Variants in NEB observed in about 807,000 individuals in gnomAD.
The protein encoded by NEB is nemaline myopathy type 2.
A neutral mutation model predicts 952.2 loss-of-function variants in NEB; 512 were observed. The ratio of observed to expected loss-of-function variants is 0.54; its 90% CI spans 0.50 to 0.58. The LOEUF (loss-of-function observed/expected upper bound fraction) is 0.58, where lower values mean the gene tolerates loss of function less well. Ranked by LOEUF, NEB falls within the 20% of genes least tolerant of loss-of-function variation. The pLI, the probability that NEB is intolerant of heterozygous loss-of-function variation, is 0.00. For missense variants in NEB, 8,428 were observed against 9,231.1 expected (o/e 0.91, Z 3.56); for synonymous variants, 2,900 against 3,149.8 (o/e 0.92, Z 2.66).
chr2:151,705,171 TTA>T (rs1381167512), intron 13 of NEB, among the ~76,000 whole-genome samples: 7 of 150,874 alleles, frequency 4.6e-5, no homozygotes, highest in East Asian at 1.9e-4. Context: ...GCCTTCAAAA[TTA>T]TATATATATA....
intron 113 of NEB, 57 bp from the exon 114 acceptor site, chr2:151,567,536 G>T: frequency 6.7e-7 from 1 of 1,489,648 alleles, no homozygotes. Context: ...AAGGCAGAGG[G>T]GGCTTGATCA....
In NEB at chr2:151,655,979, G is replaced by T. The variant is rs772581557; in HGVS notation, c.6540C>A (p.Gly2180=). The part of the protein sequence containing the change: ...QDYNEWYKGL[G]WSPAGSLEVE... ...CTTCCAGAGAACCTGCTGGACTCCA[G>T]CCAAGCCCTTTGTACCATTCATTGT... Residue 2180 remains glycine, a synonymous_variant, in exon 50 of 182, where the codon GGC becomes GGA. Coordinates refer to ENST00000397345, the MANE Select transcript of NEB (RefSeq NM_001164508.2). 1.2e-6 allele frequency: 2 copies of T among 1,613,748 alleles called. No homozygotes were observed. The highest frequency in any genetic ancestry group is 1.7e-6 in the Non-Finnish European group (2 of 1,179,766).
rs191507607 is a variant in NEB at position 151,531,403 on chromosome 2, A to G, written c.21523-302T>C. On this transcript the variant is annotated intron_variant, in intron 144 of 181. Coordinates refer to ENST00000397345, the MANE Select transcript of NEB (RefSeq NM_001164508.2). ...ATGATCTTGGTTCACTGCAACCTCCATCTCCTGGGCTCAAGCAATTGTCAC... is the reference window on the plus strand; with the variant it reads ...ATGATCTTGGTTCACTGCAACCTCCGTCTCCTGGGCTCAAGCAATTGTCAC... Among the ~76,000 whole-genome samples, 43 of 136,428 alleles carry G rather than the reference A, an allele frequency of 3.2e-4. No individual in the cohort carries two copies. In the East Asian group the frequency reaches 6.4e-3, roughly 20 times the overall value. The allele number at this position is 136,428 out of a possible 152,430, so 89.5% of individuals were successfully genotyped here.
In NEB at chr2:151,498,817, A is replaced by G. The variant is rs569875492; in HGVS notation, c.24115-465T>C. Among the ~76,000 whole-genome samples, 14 of 152,286 alleles carry G rather than the reference A, an allele frequency of 9.2e-5. No homozygotes were observed. The East Asian group carries it at 2.5e-3, about 27-fold the overall frequency. On this transcript the variant is annotated intron_variant, in intron 169 of 181. Transcript: ENST00000397345. ...GTTCACTTTCAAAAGAAGTCAGAGT[A>G]TTTAATTTTTAGTTTGGGTGAACAC...
intron 71 of NEB, among the ~76,000 whole-genome samples, chr2:151,621,971 G>A (rs1275904294): frequency 1.3e-5 from 2 of 152,124 alleles, no homozygotes; most frequent in Non-Finnish European, 2.9e-5. Flanking sequence ...GGGCAATAAT[G>A]AATTAAGTTG....
intron 10 of NEB, among the ~76,000 whole-genome samples, chr2:151,711,534 AT>A (rs2099745332): frequency 6.6e-6 from 1 of 152,194 alleles, no homozygotes; most frequent in South Asian, 2.1e-4. Context: ...CAAATGCCTA[AT>A]TTCCTTTCTT....
At chr2:151,625,691 G>A (rs2098508887) in intron 70 of NEB, 53 bp from the exon 71 acceptor site, 1 of 1,293,590 alleles carries the variant, frequency 7.7e-7, no homozygotes. Flanking sequence ...TTGTAAACAG[G>A]AGTTTTCAAT....
At chr2:151,658,261 C>T (rs566217786) in intron 47 of NEB, among the ~76,000 whole-genome samples, 171 bp from the exon 48 acceptor site, 41 of 151,692 alleles carry the variant, frequency 2.7e-4, no homozygotes, top group Admixed American at 2.3e-3. Flanking sequence ...GTTTGAAAAA[C>T]AATCTATAAC....
intron 3 of NEB, among the ~76,000 whole-genome samples, chr2:151,731,223 C>T (rs988392572): frequency 8.5e-5 from 13 of 152,150 alleles, no homozygotes; most frequent in African/African-American, 1.4e-4. Context: ...CTTAGAAATA[C>T]GCTTATAAAA....
At chr2:151,501,812 A>AAATT (rs1443983616) in intron 167 of NEB, among the ~76,000 whole-genome samples, 1 of 152,196 alleles carries the variant, frequency 6.6e-6, no homozygotes, top group Non-Finnish European at 1.5e-5. Flanking sequence ...TGGTAACATT[A>AAATT]AATTAGGGAA....
chr2:151,555,775 C>A (rs779722965), intron 124 of NEB, among the ~76,000 whole-genome samples: 21 of 151,778 alleles, frequency 1.4e-4, no homozygotes, highest in Non-Finnish European at 2.8e-4. Flanking sequence ...TGGAGGCCAA[C>A]CAAAATTTCC....
intron 42 of NEB, 25 bp from the exon 43 acceptor site, chr2:151,664,888 G>T: frequency 6.5e-7 from 1 of 1,539,492 alleles, no homozygotes; most frequent in Middle Eastern, 1.7e-4. Context: ...TCAGGTGCAT[G>T]ATTTTACAGC....
At chr2:151,667,673 A>G in intron 40 of NEB, 131 bp downstream of exon 40, 1 of 564,448 alleles carries the variant, frequency 1.8e-6, no homozygotes, top group East Asian at 3.0e-5. Flanking sequence ...AACTACAGGT[A>G]CACGCCACCA....
In NEB at chr2:151,490,051, G is replaced by C; in HGVS notation, c.25324C>G (p.Leu8442Val). The C allele has an allele frequency of 6.2e-7, 1 of 1,611,180 alleles. No individual in the cohort carries two copies. The highest frequency in any genetic ancestry group is 8.5e-7 in the Non-Finnish European group (1 of 1,179,020). The change falls in exon 181 of 182, where the codon CTC becomes GTC. Residue 8442 changes from leucine (L) to valine (V), a missense_variant. Coordinates refer to ENST00000397345, the MANE Select transcript of NEB (RefSeq NM_001164508.2). Reference protein sequence around the residue: ...TAYKHAKTTELPQQRSSSVAT... With the variant: ...TAYKHAKTTEVPQQRSSSVAT... Reference sequence around the variant, plus strand: ...ACTGAAGATGATCGTTGTTGTGGGAGCTCTGTGGTTTTTGCATGTTTGTAA... The same window carrying C: ...ACTGAAGATGATCGTTGTTGTGGGACCTCTGTGGTTTTTGCATGTTTGTAA...
In NEB at chr2:151,627,757, C is replaced by G; in HGVS notation, c.9909G>C (p.Met3303Ile). Residue 3303 changes from methionine to isoleucine, a missense_variant, in exon 69 of 182, where the codon ATG becomes ATC. By Grantham distance (10) the Met-to-Ile change is conservative (BLOSUM62 1). Transcript: ENST00000397345. ...TCTTGGCCACATGCATGGACCACAT[C>G]ATCTTGGGGTCATCTTCAATGTTCC... ...GARNIEDDPKMMWSMHVAKIQ... is the reference protein window; with the variant it reads ...GARNIEDDPKIMWSMHVAKIQ... 1 of 1,613,934 alleles carries G rather than the reference C, an allele frequency of 6.2e-7. No homozygotes were observed. The highest frequency in any genetic ancestry group is 8.5e-7 in the Non-Finnish European group (1 of 1,179,872).
Position 151,650,826 on chromosome 2 carries a change from C to T in NEB, c.6975G>A (p.Leu2325=), listed in dbSNP as rs369998169. 2 of 1,613,892 alleles carry T rather than the reference C, an allele frequency of 1.2e-6. No individual in the cohort carries two copies. The highest frequency in any genetic ancestry group is 1.7e-6 in the Non-Finnish European group (2 of 1,179,792). ...QLGHHVGFRS[L]QDDPKLVLSM... ...ACAACACAAGTTTTGGGTCATCTTGCAGACTCCGGAATCCAACATGGTGGC... is the reference window on the plus strand; with the variant it reads ...ACAACACAAGTTTTGGGTCATCTTGTAGACTCCGGAATCCAACATGGTGGC... Residue 2325 remains leucine, a synonymous_variant, in exon 53 of 182, where the codon CTG becomes CTA. Coordinates refer to ENST00000397345, the MANE Select transcript of NEB (RefSeq NM_001164508.2).
chr2:151,675,059 G>C (rs1355166724), intron 35 of NEB, among the ~76,000 whole-genome samples: 1 of 152,172 alleles, frequency 6.6e-6, no homozygotes, highest in Non-Finnish European at 1.5e-5. Context: ...GGAATAGATG[G>C]TGAGCTCTAC....
chr2:151,568,215 G>A, intron 112 of NEB, 37 bp from the exon 113 acceptor site: 1 of 1,597,142 alleles, frequency 6.3e-7, no homozygotes, highest in Non-Finnish European at 8.6e-7. Context: ...TTAAAATGAG[G>A]AGTCAGAAGG....
At chr2:151,574,895 C>T (rs1458465325) in intron 107 of NEB, among the ~76,000 whole-genome samples, 1 of 151,960 alleles carries the variant, frequency 6.6e-6, no homozygotes, top group Admixed American at 6.6e-5. Flanking sequence ...CTTTGCCCAA[C>T]TAATTTATTT....
Sources: allele counts gnomAD v4.1 joint callset (sites outside exome capture counted in the v4.1 genomes callset), GRCh38; gene constraint gnomAD v4.1.1; transcripts MANE v1.5; gene names NCBI Gene and HGNC (gene_info 2026-07-23, HGNC 2026-07-21).